ZBTB16: variants seen among roughly 807,000 people sequenced by gnomAD.
ZBTB16 encodes the protein zinc finger and BTB domain-containing protein 16.
Under a neutral mutation model 56.8 loss-of-function variants are expected in ZBTB16, and 8 were observed. That is an observed-to-expected ratio of 0.14 (90% CI 0.08 to 0.25). The LOEUF is 0.25. ZBTB16 is among the 10% of genes least tolerant of loss of function. ZBTB16 has a pLI of 1.00. For missense variants in ZBTB16, 625 were observed against 903.0 expected, an observed-to-expected ratio of 0.69 and a Z score of 3.95; for synonymous variants, 363 against 368.5, an observed-to-expected ratio of 0.98 and a Z score of 0.17.
At chr11:114,092,021 C>T (rs1364607503) in intron 2 of ZBTB16, among the ~76,000 whole-genome samples, 4 of 152,178 alleles carry the variant, frequency 2.6e-5, no homozygotes, top group African/African-American at 7.2e-5. Context: ...TGGGCGTGGG[C>T]AGTAGGACTG....
chr11:114,132,811 T>C (rs374035427), intron 2 of ZBTB16, among the ~76,000 whole-genome samples: 2 of 152,118 alleles, frequency 1.3e-5, no homozygotes, highest in East Asian at 1.9e-4. Context: ...GCCGAAATGC[T>C]AAATGGAGTT....
intron 3 of ZBTB16, among the ~76,000 whole-genome samples, chr11:114,186,278 G>T (rs1171564281): frequency 6.6e-6 from 1 of 151,844 alleles, no homozygotes; most frequent in Non-Finnish European, 1.5e-5. Flanking sequence ...GCAATGGGAA[G>T]AACACGGTTC....
At chr11:114,156,282 C>A (rs1273261410) in intron 2 of ZBTB16, 55 bp from the exon 3 acceptor site, 9 of 1,587,764 alleles carry the variant, frequency 5.7e-6, no homozygotes, top group Non-Finnish European at 7.8e-6. Flanking sequence ...AGGGGATGGC[C>A]CTGCCTCTTG....
At chr11:114,166,133 G>A (rs973261047) in intron 3 of ZBTB16, among the ~76,000 whole-genome samples, 2 of 152,062 alleles carry the variant, frequency 1.3e-5, no homozygotes, top group African/African-American at 4.8e-5. Flanking sequence ...GCCTAGGTCT[G>A]TGGCTGTGGC....
Position 114,064,092 on chromosome 11 carries a change from C to G in ZBTB16, c.792C>G (p.Ile264Met), listed in dbSNP as rs1238134647. ...GCCCTGGGGCAGCCGAGTCCAGCAT[C>G]TCAGGAGGGATGGGGGACAAGGTTG... ...QDSPGAAESS[I>M]SGGMGDKVEE... The change falls in exon 2 of 7, where the codon ATC becomes ATG. Residue 264 changes from isoleucine (I) to methionine (M), a missense_variant. This residue lies in a region of ZBTB16 where 384 missense variants were observed against 393.5 expected (regional missense o/e 0.98). Transcript: ENST00000335953. The surrounding 1 kb of genome is among the most constrained non-coding windows in gnomAD (Gnocchi z 4.2). 2.5e-6 allele frequency: 4 copies of G among 1,613,872 alleles called. No homozygotes were observed. The highest frequency in any genetic ancestry group is 3.4e-6 in the Non-Finnish European group (4 of 1,179,982).
intron 4 of ZBTB16, among the ~76,000 whole-genome samples, chr11:114,235,424 T>C (rs1319189137): frequency 1.3e-5 from 2 of 152,266 alleles, no homozygotes; most frequent in Non-Finnish European, 2.9e-5. Context: ...TGTACCCCTC[T>C]GATCCTCTTC....
intron 4 of ZBTB16, among the ~76,000 whole-genome samples, chr11:114,240,722 A>G (rs1944685496): frequency 6.6e-6 from 1 of 152,170 alleles, no homozygotes; most frequent in Non-Finnish European, 1.5e-5. Context: ...AATTTCGGCC[A>G]TGGCTCCAGA....
chr11:114,150,165 G>A (rs1942247587), intron 2 of ZBTB16, among the ~76,000 whole-genome samples: 1 of 152,190 alleles, frequency 6.6e-6, no homozygotes, highest in African/African-American at 2.4e-5. Flanking sequence ...GGTACTTTTG[G>A]TGGCATGAAG....
rs1228996096 is a variant in ZBTB16 at position 114,254,739 on chromosome 11, T to G, written c.*4184T>G. Among the ~76,000 whole-genome samples the G allele has an allele frequency of 1.3e-5, 2 of 152,224 alleles. No individual in the cohort carries two copies. Among genetic ancestry groups the G allele is most frequent in the African/African-American group, 4.8e-5 (2 of 41,460 alleles). ...CATACCTCCTCCTTCCTGGAGCCTC[T>G]GCCGGCTTGGCTGTAATGGTGGCAC... On this transcript the variant is annotated 3_prime_UTR_variant, in exon 7 of 7. Transcript: ENST00000335953.
intron 2 of ZBTB16, among the ~76,000 whole-genome samples, chr11:114,092,641 T>C (rs1940234875): frequency 6.6e-6 from 1 of 152,206 alleles, no homozygotes; most frequent in Non-Finnish European, 1.5e-5. Flanking sequence ...CTTCTCCCTG[T>C]ATTATCTTGC....
intron 2 of ZBTB16, among the ~76,000 whole-genome samples, chr11:114,085,130 G>A (rs750026147): frequency 3.0e-4 from 45 of 152,212 alleles, no homozygotes; most frequent in Non-Finnish European, 5.9e-5. Flanking sequence ...TTATCTTAGA[G>A]TGGAGGCTGT....
intron 2 of ZBTB16, among the ~76,000 whole-genome samples, chr11:114,108,469 G>A (rs2137772841): frequency 6.6e-6 from 1 of 152,322 alleles, no homozygotes; most frequent in African/African-American, 2.4e-5. Context: ...GGTCTTCTTA[G>A]TAATTGCTCT....
intron 2 of ZBTB16, among the ~76,000 whole-genome samples, chr11:114,090,584 A>G (rs1293962935): frequency 1.3e-5 from 2 of 152,208 alleles, no homozygotes; most frequent in Admixed American, 1.3e-4. Flanking sequence ...AGGTCTAGGC[A>G]GGCAAGAGCT....
intron 2 of ZBTB16, among the ~76,000 whole-genome samples, chr11:114,114,203 G>C (rs11605971): frequency 0.027 from 4,178 of 152,288 alleles, 71 homozygotes; most frequent in Non-Finnish European, 0.041. Context: ...CGTCCATGTC[G>C]GCCACAATGT....
intron 4 of ZBTB16, among the ~76,000 whole-genome samples, chr11:114,226,401 G>T (rs1168380462): frequency 6.6e-6 from 1 of 152,190 alleles, no homozygotes; most frequent in Non-Finnish European, 1.5e-5. Context: ...ACAGCCTGTG[G>T]TTGGCCTGAG....
intron 6 of ZBTB16, among the ~76,000 whole-genome samples, chr11:114,248,901 T>C (rs1385081580): frequency 6.6e-6 from 1 of 152,214 alleles, no homozygotes; most frequent in African/African-American, 2.4e-5. Flanking sequence ...TAGATCACTT[T>C]GGCTGTTCAT....
At chr11:114,243,436 C>T (rs1194962853) in intron 5 of ZBTB16, among the ~76,000 whole-genome samples, 1 of 152,196 alleles carries the variant, frequency 6.6e-6, no homozygotes, top group South Asian at 2.1e-4. Flanking sequence ...CTGAGCTGGC[C>T]TGGCCAGCCA....
intron 2 of ZBTB16, among the ~76,000 whole-genome samples, chr11:114,101,673 C>A (rs1940612120): frequency 6.6e-6 from 1 of 152,172 alleles, no homozygotes; most frequent in South Asian, 2.1e-4. Flanking sequence ...GACGATATTG[C>A]CTAACTTGTA....
At chr11:114,235,629 C>CCTTCCTTCCTTTCTTT (rs767837990) in intron 4 of ZBTB16, among the ~76,000 whole-genome samples, 25 of 97,844 alleles carry the variant, frequency 2.6e-4, no homozygotes, top group East Asian at 2.4e-3. Flanking sequence ...CCTCTCCCTT[C>CCTTCCTTCCTTTCTTT]CTTTCTTTCT....
Sources: allele counts gnomAD v4.1 joint callset (sites outside exome capture counted in the v4.1 genomes callset), GRCh38; gene constraint gnomAD v4.1.1; regional missense constraint gnomAD v4.1.1; non-coding constraint Gnocchi (gnomAD v3.1); transcripts MANE v1.5; gene names NCBI Gene and HGNC (gene_info 2026-07-23, HGNC 2026-07-21).